Variants in FHIT observed in about 807,000 individuals in gnomAD.
FHIT encodes fragile histidine triad diadenosine triphosphatase.
A neutral mutation model predicts 17.9 loss-of-function variants in FHIT; 19 were observed. That is an observed-to-expected ratio of 1.06 (90% CI 0.74 to 1.56). FHIT has a LOEUF of 1.56. Ranked by LOEUF, FHIT falls within the 40% of genes most tolerant of loss-of-function variation. The pLI is 0.00. For missense variants in FHIT, 248 were observed against 189.2 expected, an observed-to-expected ratio of 1.31 and a Z score of -1.82; for synonymous variants, 81 against 69.7, an observed-to-expected ratio of 1.16 and a Z score of -0.81.
At chr3:60,966,574 C>T (rs1470929749) in intron 3 of FHIT, among the ~76,000 whole-genome samples, 2 of 152,146 alleles carry the variant, frequency 1.3e-5, no homozygotes, top group Non-Finnish European at 1.5e-5. Flanking sequence ...AACCTCCTCC[C>T]ATGATGACTA....
chr3:60,609,834 G>A (rs1311736835), intron 4 of FHIT, among the ~76,000 whole-genome samples: 1 of 152,094 alleles, frequency 6.6e-6, no homozygotes, highest in Non-Finnish European at 1.5e-5. Context: ...CGGAGTTCCT[G>A]CTATCTCAAC....
At chr3:59,794,624 T>C (rs1262118231) in intron 8 of FHIT, among the ~76,000 whole-genome samples, 1 of 152,228 alleles carries the variant, frequency 6.6e-6, no homozygotes, top group Non-Finnish European at 1.5e-5. Flanking sequence ...TTCCATGTCA[T>C]ACATCAGGGC....
chr3:59,831,598 C>A (rs1381683509), intron 8 of FHIT, among the ~76,000 whole-genome samples: 1 of 152,034 alleles, frequency 6.6e-6, no homozygotes, highest in South Asian at 2.1e-4. Context: ...TAGCCTCATG[C>A]GATAAGACTG....
At chr3:60,315,961 T>C (rs1284073981) in intron 5 of FHIT, among the ~76,000 whole-genome samples, 1 of 152,210 alleles carries the variant, frequency 6.6e-6, no homozygotes, top group Non-Finnish European at 1.5e-5. Context: ...TCATGCTGCA[T>C]TAAATTAAGC....
At chr3:60,652,501 A>T (rs2040014532) in intron 4 of FHIT, among the ~76,000 whole-genome samples, 1 of 152,090 alleles carries the variant, frequency 6.6e-6, no homozygotes, top group African/African-American at 2.4e-5. Flanking sequence ...TGGGAGGCCC[A>T]GGAGGGCGGA....
Position 60,077,967 on chromosome 3 carries a change from A to C in FHIT, c.104-63815T>G, listed in dbSNP as rs1703106840. ...ATCCCATATCATACTTTAAACCTCAAATACACAAAATAAAATTTATTTTTA... is the reference window on the plus strand; with the variant it reads ...ATCCCATATCATACTTTAAACCTCACATACACAAAATAAAATTTATTTTTA... On this transcript the variant is annotated intron_variant, in intron 5 of 9. Coordinates refer to ENST00000492590, the MANE Select transcript of FHIT (RefSeq NM_002012.4). Among the ~76,000 whole-genome samples the C allele has an allele frequency of 2.0e-5, 3 of 152,022 alleles. No homozygotes were observed. In the South Asian group the frequency reaches 6.2e-4, roughly 32 times the overall value.
At chr3:60,920,381 A>T (rs1465804603) in intron 3 of FHIT, among the ~76,000 whole-genome samples, 1 of 152,178 alleles carries the variant, frequency 6.6e-6, no homozygotes, top group Non-Finnish European at 1.5e-5. Context: ...AAAACATCCC[A>T]TATTATTCAA....
At chr3:60,905,342 G>A (rs1706350678) in intron 3 of FHIT, among the ~76,000 whole-genome samples, 2 of 151,998 alleles carry the variant, frequency 1.3e-5, no homozygotes, top group Admixed American at 1.3e-4. Flanking sequence ...CTCAGGCATT[G>A]CTAGTTAGAG....
chr3:61,179,808 G>C (rs2038281581), intron 2 of FHIT, among the ~76,000 whole-genome samples: 1 of 151,318 alleles, frequency 6.6e-6, no homozygotes. Context: ...GACAGCCTCA[G>C]TGGAAGCAAG....
intron 7 of FHIT, among the ~76,000 whole-genome samples, chr3:59,972,609 CCAAT>C (rs1408666474): frequency 2.0e-5 from 3 of 152,034 alleles, no homozygotes; most frequent in Non-Finnish European, 4.4e-5. Context: ...AGATTCTGAA[CCAAT>C]CAAACTCCCT....
chr3:60,887,189 G>A (rs1372975345), intron 3 of FHIT, among the ~76,000 whole-genome samples: 2 of 139,896 alleles, frequency 1.4e-5, no homozygotes, highest in African/African-American at 5.8e-5. Flanking sequence ...GCTCAGAGCA[G>A]AACTAACTTG....
chr3:60,133,428 G>A (rs1576174043), intron 5 of FHIT, among the ~76,000 whole-genome samples: 1 of 152,240 alleles, frequency 6.6e-6, no homozygotes, highest in South Asian at 2.1e-4. Flanking sequence ...GAATGAGTTG[G>A]GGCAAGCACA....
intron 5 of FHIT, among the ~76,000 whole-genome samples, chr3:60,208,583 C>A (rs899431758): frequency 3.4e-4 from 52 of 152,140 alleles, no homozygotes; most frequent in African/African-American, 1.1e-3. Context: ...ATGTTAGGAA[C>A]CAACTCATTC....
At chr3:60,117,348 T>C (rs139371652) in intron 5 of FHIT, among the ~76,000 whole-genome samples, 28 of 152,272 alleles carry the variant, frequency 1.8e-4, no homozygotes, top group African/African-American at 6.5e-4. Context: ...CAAATTGCCT[T>C]TTCCCATTTG....
intron 4 of FHIT, among the ~76,000 whole-genome samples, chr3:60,707,001 CTT>C (rs1327854881): frequency 6.6e-6 from 1 of 152,236 alleles, no homozygotes; most frequent in African/African-American, 2.4e-5. Flanking sequence ...GAAGAAAACT[CTT>C]TGAATAACAA....
intron 8 of FHIT, among the ~76,000 whole-genome samples, chr3:59,794,710 A>G (rs756930998): frequency 1.3e-5 from 2 of 152,206 alleles, no homozygotes; most frequent in Non-Finnish European, 2.9e-5. Flanking sequence ...TTTTATTTAT[A>G]GTATCTCATT....
chr3:60,385,894 G>A (rs1269143452), intron 5 of FHIT, among the ~76,000 whole-genome samples: 1 of 152,094 alleles, frequency 6.6e-6, no homozygotes, highest in Non-Finnish European at 1.5e-5. Context: ...AGATTTTAGA[G>A]TATTACTCTA....
chr3:60,339,656 C>T (rs1710419206), intron 5 of FHIT, among the ~76,000 whole-genome samples: 3 of 152,150 alleles, frequency 2.0e-5, no homozygotes, highest in Admixed American at 2.0e-4. Context: ...TTGTAGCCAA[C>T]ATGACAAAAG....
intron 5 of FHIT, among the ~76,000 whole-genome samples, chr3:60,423,693 G>C (rs1702558811): frequency 6.6e-6 from 1 of 152,074 alleles, no homozygotes; most frequent in Non-Finnish European, 1.5e-5. Context: ...AATTGTTAAA[G>C]CTACTCACCC....
Sources: allele counts gnomAD v4.1 joint callset (sites outside exome capture counted in the v4.1 genomes callset), GRCh38; gene constraint gnomAD v4.1.1; transcripts MANE v1.5; gene names NCBI Gene and HGNC (gene_info 2026-07-23, HGNC 2026-07-21).